ORC2: variants seen among roughly 807,000 people sequenced by gnomAD.
The protein encoded by ORC2 is origin recognition complex subunit 2.
ORC2 carries 37 observed loss-of-function variants against 77.7 expected under a neutral mutation model. That is an observed-to-expected ratio of 0.48 (90% CI 0.37 to 0.63). The LOEUF (loss-of-function observed/expected upper bound fraction) is 0.63. Ranked by LOEUF, ORC2 falls within the 20% of genes least tolerant of loss-of-function variation. The pLI is 0.00. For missense variants in ORC2, 557 were observed against 661.9 expected (o/e 0.84, Z 1.74); for synonymous variants, 201 against 229.5 (o/e 0.88, Z 1.12).
rs970143416 is a variant in ORC2 at position 200,952,271 on chromosome 2, A to T, written c.239-2628T>A. On this transcript the variant is annotated intron_variant, in intron 4 of 17. Transcript: ENST00000234296. ...ATTTATATAATTTATTTATTTATTTATTTTTTGAGACGGAGTCTCACTCTG... is the reference window on the plus strand; with the variant it reads ...ATTTATATAATTTATTTATTTATTTTTTTTTTGAGACGGAGTCTCACTCTG... 4.6e-5 allele frequency among the ~76,000 whole-genome samples: 7 copies of T among 151,256 alleles called. No homozygotes were observed. The East Asian group carries it at 5.8e-4, about 13-fold the overall frequency.
chr2:200,920,539 G>A, intron 14 of ORC2, 146 bp from the exon 15 acceptor site: 3 of 502,686 alleles, frequency 6.0e-6, no homozygotes, highest in African/African-American at 1.9e-5. Flanking sequence ...ATCTAAATCA[G>A]TAACTCACAA....
chr2:200,921,712 C>T (rs1228364178), intron 13 of ORC2: 1 of 152,274 alleles, frequency 6.6e-6, no homozygotes, highest in Non-Finnish European at 1.5e-5. Flanking sequence ...TCTCAGCTCA[C>T]TGCAACCCTG....
chr2:200,950,581 A>G (rs2041334294), intron 4 of ORC2, among the ~76,000 whole-genome samples: 1 of 152,222 alleles, frequency 6.6e-6, no homozygotes, highest in Non-Finnish European at 1.5e-5. Context: ...CAGAGACGAC[A>G]TGATGTGATA....
At position 200,935,789 on chromosome 2, in the gene ORC2, T is replaced by C. The variant is rs1452743594; in HGVS notation, c.618A>G (p.Ile206Met). The C allele has an allele frequency of 6.2e-7, 1 of 1,613,928 alleles. No homozygotes were observed. Among genetic ancestry groups the C allele is most frequent in the African/African-American group, 1.3e-5 (1 of 74,940 alleles). The change falls in exon 9 of 18, where the codon ATA becomes ATG. Residue 206 changes from isoleucine (I) to methionine (M), a missense_variant. Physicochemically the swap from Ile to Met is conservative, Grantham distance 10. Transcript: ENST00000234296. The stretch of plus-strand genomic sequence containing the variant: ...TCTGAGCTTGAATCTTTTGGCTGAA[T>C]ATGACTGCATTAGTGTCCTCTTCAT... Reference protein sequence around the residue: ...QEHEEDTNAVIFSQKIQAQNR... With the variant: ...QEHEEDTNAVMFSQKIQAQNR...
Position 200,958,026 on chromosome 2 carries a change from A to G in ORC2, c.94+4T>C. ...TCTCTTCAAATTGTACAATCACTTA[A>G]TACCTCCTTCTCTATCTAGAATGTG... On this transcript the variant is annotated splice_donor_region_variant and intron_variant, in intron 3 of 17. Transcript: ENST00000234296. 6.5e-7 allele frequency: 1 copy of G among 1,536,798 alleles called. No homozygotes were observed. The highest frequency in any genetic ancestry group is 9.0e-7 in the Non-Finnish European group (1 of 1,110,752).
chr2:200,917,872 A>G (rs948602171), intron 15 of ORC2, among the ~76,000 whole-genome samples: 2 of 152,058 alleles, frequency 1.3e-5, no homozygotes, highest in African/African-American at 4.8e-5. Context: ...TAAAAGAAAA[A>G]TAAATGGAAA....
At chr2:200,941,173 A>T in intron 7 of ORC2, 75 bp downstream of exon 7, 1 of 1,213,404 alleles carries the variant, frequency 8.2e-7, no homozygotes, top group Admixed American at 1.9e-5. Context: ...CAATTTTTTC[A>T]TTGAATTTCT....
Position 200,911,375 on chromosome 2 carries a change from C to T in ORC2, c.1660G>A (p.Val554Ile), listed in dbSNP as rs779360110. The stretch of plus-strand genomic sequence containing the variant: ...TCAACAGGAATTAATAAATACTCTA[C>T]TCCATCAGTTCCCTGAAAGATTTAA... ...LIRTKKGTDG[V>I]EYLLIPVDNG... Residue 554 changes from valine (V) to isoleucine (I), a missense_variant, in exon 18 of 18, where the codon GTA becomes ATA. Transcript: ENST00000234296. 1.6e-5 allele frequency: 25 copies of T among 1,588,378 alleles called. No homozygotes were observed. The highest frequency in any genetic ancestry group is 2.7e-5 in the African/African-American group (2 of 74,448).
At chr2:200,942,588 AAT>A (rs16836147) in intron 6 of ORC2, 95 bp downstream of exon 6, 8,583 of 571,696 alleles carry the variant, frequency 0.015, 612 homozygotes, top group African/African-American at 0.15. Flanking sequence ...AAAAGAAGAA[AAT>A]ATATATAAAA....
Position 200,950,699 on chromosome 2 carries a change from G to C in ORC2, c.239-1056C>G, listed in dbSNP as rs16836175. ...ACAATGCCCTCCTCATTAAGTTATT[G>C]AAAGTTGTTTTCATTTAAATATATG... On this transcript the variant is annotated intron_variant, in intron 4 of 17. Coordinates refer to ENST00000234296, the MANE Select transcript of ORC2 (RefSeq NM_006190.5). 2.2e-3 allele frequency among the ~76,000 whole-genome samples: 339 copies of C among 152,290 alleles called. 4 individuals are homozygous for C. In the East Asian group the frequency reaches 0.041, roughly 19 times the overall value.
At chr2:200,920,881 TA>T (rs1240717070) in intron 14 of ORC2, 111 bp downstream of exon 14, 3 of 661,392 alleles carry the variant, frequency 4.5e-6, no homozygotes, top group Non-Finnish European at 6.6e-6. Flanking sequence ...TTTAAACATG[TA>T]AAAGGGGAAA....
chr2:200,913,308 A>G lies in ORC2; in HGVS notation c.1634T>C (p.Ile545Thr). ...GTGGAGTCTTACCTTCTTTGTTCTTATAAGCTTGTGGTCCCTAAATTCAGT... is the reference window on the plus strand; with the variant it reads ...GTGGAGTCTTACCTTCTTTGTTCTTGTAAGCTTGTGGTCCCTAAATTCAGT... ...QLTEFRDHKL[I>T]RTKKGTDGVE... is the part of the protein sequence containing the mutation. Residue 545 changes from isoleucine (I) to threonine (T), a missense_variant, in exon 17 of 18, where the codon ATA (isoleucine) becomes ACA (threonine). By Grantham distance (89) the Ile-to-Thr change is moderately conservative. Transcript: ENST00000234296. 1.3e-6 allele frequency: 2 copies of G among 1,595,852 alleles called. No homozygotes were observed. Among genetic ancestry groups the G allele is most frequent in the South Asian group, 1.1e-5 (1 of 90,776 alleles).
At chr2:200,921,269 CCCA>C in intron 13 of ORC2, 130 bp from the exon 14 acceptor site, 1 of 459,652 alleles carries the variant, frequency 2.2e-6, no homozygotes, top group Non-Finnish European at 3.7e-6. Flanking sequence ...AAGCAATCCT[CCCA>C]CCTCAGCCTC....
At chr2:200,956,773 A>G (rs1017080570) in intron 4 of ORC2, among the ~76,000 whole-genome samples, 2 of 152,086 alleles carry the variant, frequency 1.3e-5, no homozygotes, top group African/African-American at 4.8e-5. Context: ...CCCTGTCTCT[A>G]AAATAAATAA....
chr2:200,943,265 CATAAA>C, intron 5 of ORC2: 1 of 152,042 alleles, frequency 6.6e-6, no homozygotes, highest in Non-Finnish European at 1.5e-5. Flanking sequence ...ATAAATAATA[CATAAA>C]ATAGAGTGTT....
chr2:200,949,474 TATA>T, intron 5 of ORC2, 77 bp downstream of exon 5: 2 of 750,622 alleles, frequency 2.7e-6, no homozygotes, highest in Admixed American at 4.6e-5. Flanking sequence ...AATGTAGTGG[TATA>T]ATAATCATGG....
At chr2:200,931,672 A>C (rs1197597033) in intron 10 of ORC2, among the ~76,000 whole-genome samples, 4 of 152,222 alleles carry the variant, frequency 2.6e-5, no homozygotes, top group Non-Finnish European at 5.9e-5. Context: ...ATAACAGTAA[A>C]GAATTTGGTA....
chr2:200,915,793 A>G (rs748190800), intron 15 of ORC2, among the ~76,000 whole-genome samples: 5 of 152,076 alleles, frequency 3.3e-5, no homozygotes, highest in Non-Finnish European at 7.3e-5. Flanking sequence ...TCCCAGGTTC[A>G]AGCGATTTTC....
At chr2:200,920,467 A>G in intron 14 of ORC2, 74 bp from the exon 15 acceptor site, 1 of 1,168,920 alleles carries the variant, frequency 8.6e-7, no homozygotes, top group Non-Finnish European at 1.1e-6. Context: ...CCACTTTACA[A>G]AAGAATGAGA....
Sources: gnomAD v4.1 joint callset for allele counts (sites outside exome capture counted in the v4.1 genomes callset) on GRCh38, gnomAD v4.1.1 for gene constraint, MANE v1.5 for transcripts, NCBI Gene and HGNC (gene_info 2026-07-23, HGNC 2026-07-21) for gene names.